LSM14A: variants seen among roughly 807,000 people sequenced by gnomAD.
LSM14A encodes the protein protein LSM14 homolog A.
Under a neutral mutation model 52.4 loss-of-function variants are expected in LSM14A, and 14 were observed. That is an observed-to-expected ratio of 0.27 (90% CI 0.18 to 0.42). The LOEUF (loss-of-function observed/expected upper bound fraction) is 0.42, where lower values mean the gene tolerates loss of function less well. Ranked by LOEUF, LSM14A falls within the 10% of genes least tolerant of loss-of-function variation. LSM14A has a pLI of 1.00. For synonymous variants in LSM14A, 185 were observed against 200.3 expected, an observed-to-expected ratio of 0.92 and a Z score of 0.64; for missense variants, 417 against 581.8, an observed-to-expected ratio of 0.72 and a Z score of 2.91.
chr19:34,203,048 A>G (rs921366692), intron 3 of LSM14A, among the ~76,000 whole-genome samples: 1 of 152,212 alleles, frequency 6.6e-6, no homozygotes, highest in African/African-American at 2.4e-5. Flanking sequence ...GAAAAATTAA[A>G]CACCTCACAA....
rs534218151 is a variant in LSM14A, at chr19:34,178,093, G to A, written c.121+5330G>A. 3.3e-5 allele frequency among the ~76,000 whole-genome samples: 5 copies of A among 151,964 alleles called. No homozygotes were observed. The East Asian group carries it at 5.8e-4, about 18-fold the overall frequency. On this transcript the variant is annotated intron_variant, in intron 1 of 9. Transcript: ENST00000544216. ...GGAGAATTGCTTGAACCTGAAAGGCGGAGGTTAGAGTGAGCCAAGATCACA... is the reference window on the plus strand; with the variant it reads ...GGAGAATTGCTTGAACCTGAAAGGCAGAGGTTAGAGTGAGCCAAGATCACA...
At chr19:34,208,908 A>G (rs1202108461) in intron 3 of LSM14A, 21 bp from the exon 4 acceptor site, 2 of 1,515,208 alleles carry the variant, frequency 1.3e-6, no homozygotes, top group Non-Finnish European at 8.9e-7. Flanking sequence ...TTTTTTTATC[A>G]TTTAAAAACA....
Position 34,226,556 on chromosome 19 carries a change from A to G in LSM14A, c.1369-809A>G, listed in dbSNP as rs538560263. On this transcript the variant is annotated intron_variant, in intron 9 of 9. Coordinates refer to ENST00000544216, the MANE Select transcript of LSM14A (RefSeq NM_015578.4). The stretch of plus-strand genomic sequence containing the variant: ...TAGCTCATTGCTGTCAACTTATGCC[A>G]TACCATATGTATTTCAGTTTAATAA... 1.2e-5 allele frequency: 13 copies of G among 1,079,942 alleles called. No homozygotes were observed. In the Admixed American group the frequency reaches 3.0e-4, roughly 25 times the overall value. 66.9% of individuals were successfully genotyped at this position (1,079,942 alleles called of 1,614,324 possible).
intron 3 of LSM14A, chr19:34,208,427 C>T (rs2071872251): frequency 6.6e-6 from 1 of 152,254 alleles, no homozygotes; most frequent in African/African-American, 2.4e-5. Context: ...TTTGCAGCTG[C>T]TTTAGGCAGA....
rs2073395041 is a variant in LSM14A, at chr19:34,227,345, A to AT, written c.1369-20_1369-19insT. 21 of 1,566,354 alleles carry AT rather than the reference A, an allele frequency of 1.3e-5. No homozygotes were observed. The highest frequency in any genetic ancestry group is 1.8e-5 in the Non-Finnish European group (21 of 1,150,152). ...CACCAATAATTTGGAACATGAGCTA[A>AT]ATTTTTTTTTCTTTTTTAGAAAGAC... On this transcript the variant is annotated intron_variant, in intron 9 of 9. Transcript: ENST00000544216.
At chr19:34,213,195 A>G (rs1411570451) in intron 4 of LSM14A, among the ~76,000 whole-genome samples, 2 of 146,710 alleles carry the variant, frequency 1.4e-5, no homozygotes, top group Non-Finnish European at 2.9e-5. Context: ...AAGTGATTAT[A>G]AAATGTTTTT....
chr19:34,222,942 A>G (rs2073141410), intron 9 of LSM14A, among the ~76,000 whole-genome samples: 1 of 152,168 alleles, frequency 6.6e-6, no homozygotes, highest in African/African-American at 2.4e-5. Flanking sequence ...TTTCACAAAT[A>G]TTTTATTTGC....
At chr19:34,189,612 C>G (rs992377635) in intron 1 of LSM14A, among the ~76,000 whole-genome samples, 1 of 151,890 alleles carries the variant, frequency 6.6e-6, no homozygotes, top group Non-Finnish European at 1.5e-5. Context: ...TCTCAAAGTA[C>G]TACGTGTTAT....
intron 4 of LSM14A, among the ~76,000 whole-genome samples, chr19:34,214,803 G>A (rs796078819): frequency 1.2e-4 from 18 of 147,770 alleles, no homozygotes; most frequent in African/African-American, 3.5e-4. Flanking sequence ...AGGGAATCTC[G>A]TACCTGGCAG....
chr19:34,206,019 T>G (rs2071672773), intron 3 of LSM14A, among the ~76,000 whole-genome samples: 1 of 152,192 alleles, frequency 6.6e-6, no homozygotes, highest in African/African-American at 2.4e-5. Context: ...TGTGATAGTT[T>G]GGATGAAGTG....
In LSM14A at chr19:34,195,198, C is replaced by CT. The variant is rs34828620; in HGVS notation, c.285+572dup. 1.2e-3 allele frequency: 160 copies of CT among 137,938 alleles called. 1 individual carries two copies. Among genetic ancestry groups the CT allele is most frequent in the South Asian group, 2.5e-3 (11 of 4,438 alleles). 8.5% of individuals were successfully genotyped at this position (137,938 alleles called of 1,614,324 possible). ...TGGTTTTTGTTTTGTTTTTCTTTTT[C>CT]TTTTTTTTTTTTTTTGACAGAGTCG... On this transcript the variant is annotated intron_variant, in intron 2 of 9. Transcript: ENST00000544216.
rs566534202 is a variant in LSM14A, at chr19:34,182,515, T to A, written c.121+9752T>A. On this transcript the variant is annotated intron_variant, in intron 1 of 9. Coordinates refer to ENST00000544216, the MANE Select transcript of LSM14A (RefSeq NM_015578.4). ...GGTTTGGTTTGATTTTTCCTCTGAG[T>A]GTTTCTCTGTGGACCTTGTGAATCT... Among the ~76,000 whole-genome samples the A allele has an allele frequency of 1.7e-4, 26 of 152,086 alleles. No homozygotes were observed. In the East Asian group the frequency reaches 2.3e-3, roughly 14 times the overall value.
intron 3 of LSM14A, among the ~76,000 whole-genome samples, chr19:34,203,521 C>G (rs1464641855): frequency 6.6e-6 from 1 of 152,078 alleles, no homozygotes; most frequent in Non-Finnish European, 1.5e-5. Flanking sequence ...AAGATCAGAC[C>G]AGGCACAGTG....
chr19:34,187,150 G>A (rs1368224990), intron 1 of LSM14A, among the ~76,000 whole-genome samples: 1 of 151,542 alleles, frequency 6.6e-6, no homozygotes. Context: ...TCAGGAGGCT[G>A]AGGCAGGAGA....
intron 9 of LSM14A, among the ~76,000 whole-genome samples, chr19:34,224,356 A>G (rs192453471): frequency 1.3e-5 from 2 of 152,324 alleles, no homozygotes; most frequent in African/African-American, 4.8e-5. Context: ...CAAACCTTCC[A>G]TGCAGTAACT....
intron 3 of LSM14A, 193 bp from the exon 4 acceptor site, chr19:34,208,735 TC>T: frequency 4.2e-6 from 2 of 481,182 alleles, no homozygotes; most frequent in Non-Finnish European, 7.4e-6. Context: ...GGCTCCCCCT[TC>T]CCCTGCCCTC....
At chr19:34,217,622 T>A in intron 6 of LSM14A, among the ~76,000 whole-genome samples, 1 of 103,750 alleles carries the variant, frequency 9.6e-6, no homozygotes, top group Non-Finnish European at 1.9e-5. Flanking sequence ...CCCCCGTGTT[T>A]TTTTTTTTTT....
At chr19:34,217,033 G>A (rs574350417) in intron 6 of LSM14A, among the ~76,000 whole-genome samples, 1 of 152,114 alleles carries the variant, frequency 6.6e-6, no homozygotes, top group Non-Finnish European at 1.5e-5. Flanking sequence ...ACGCCGAGGC[G>A]GGCAGGTCAC....
intron 1 of LSM14A, among the ~76,000 whole-genome samples, chr19:34,192,319 G>GTTTTTTTTTTTTTTTTTTTTTAT (rs2070459798): frequency 1.9e-5 from 1 of 53,410 alleles, no homozygotes; most frequent in Non-Finnish European, 3.3e-5. Context: ...TCTTTTTGTT[G>GTTTTTTTTTTTTTTTTTTTTTAT]TTTTTTTTTT....
Sources: allele counts gnomAD v4.1 joint callset (sites outside exome capture counted in the v4.1 genomes callset), GRCh38; gene constraint gnomAD v4.1.1; transcripts MANE v1.5; gene names NCBI Gene and HGNC (gene_info 2026-07-23, HGNC 2026-07-21).